The following SENP7 variants were observed in gnomAD, a reference collection of about 807,000 sequenced individuals.
The protein encoded by SENP7 is sentrin-specific protease 7.
SENP7 carries 64 observed loss-of-function variants against 141.2 expected under a neutral mutation model. The ratio of observed to expected loss-of-function variants is 0.45; its 90% confidence interval spans 0.37 to 0.56. SENP7 has a LOEUF of 0.56. Ranked by LOEUF, SENP7 falls within the 20% of genes least tolerant of loss-of-function variation. The pLI, the probability that SENP7 is intolerant of heterozygous loss-of-function variation, is 0.00. For synonymous variants in SENP7, 382 were observed against 426.4 expected (o/e 0.90, Z 1.28); for missense variants, 1,025 against 1,212.2 (o/e 0.85, Z 2.29).
intron 2 of SENP7, among the ~76,000 whole-genome samples, chr3:101,497,312 C>G (rs2065195151): frequency 6.6e-6 from 1 of 152,106 alleles, no homozygotes; most frequent in South Asian, 2.1e-4. Flanking sequence ...TTTTTCTAGT[C>G]TTGTCTGTTG....
intron 4 of SENP7, among the ~76,000 whole-genome samples, chr3:101,455,755 C>G (rs1016177619): frequency 1.3e-5 from 2 of 152,060 alleles, no homozygotes; most frequent in Non-Finnish European, 2.9e-5. Flanking sequence ...TGTTTTGAAC[C>G]AAGTCACTTC....
chr3:101,337,324 T>TC, intron 17 of SENP7, 185 bp downstream of exon 17: 3 of 372,560 alleles, frequency 8.1e-6, no homozygotes, highest in Non-Finnish European at 1.5e-5. Context: ...AGTGTCAGCC[T>TC]CCCTGTCATG....
chr3:101,508,207 A>T (rs2108206502), intron 1 of SENP7, among the ~76,000 whole-genome samples: 1 of 152,224 alleles, frequency 6.6e-6, no homozygotes, highest in African/African-American at 2.4e-5. Context: ...AAGCACTAAA[A>T]CATCCATTAA....
At chr3:101,463,380 T>TATATATATATATATATAC (rs1454188272) in intron 3 of SENP7, among the ~76,000 whole-genome samples, 2 of 72,136 alleles carry the variant, frequency 2.8e-5, no homozygotes, top group Non-Finnish European at 5.2e-5. Flanking sequence ...TATATATATA[T>TATATATATATATATATAC]ATATATATAT....
chr3:101,473,753 T>A (rs2107987246), intron 3 of SENP7, among the ~76,000 whole-genome samples: 1 of 152,356 alleles, frequency 6.6e-6, no homozygotes, highest in East Asian at 1.9e-4. Flanking sequence ...ATCCCATTTG[T>A]CAATTTTTGC....
Position 101,343,704 on chromosome 3 carries a change from C to T in SENP7, c.2088G>A (p.Lys696=). The T allele has an allele frequency of 1.2e-6, 2 of 1,611,744 alleles. No homozygotes were observed. Among genetic ancestry groups the T allele is most frequent in the Non-Finnish European group, 8.5e-7 (1 of 1,179,156 alleles). ...PAGVAVAEEM[K]LKSVSQPSNT... ...TGCTAACCTGAGATACTGATTTCAGCTTCATTTCTTCAGCAACAGCAACAC... is the reference window on the plus strand; with the variant it reads ...TGCTAACCTGAGATACTGATTTCAGTTTCATTTCTTCAGCAACAGCAACAC... Residue 696 remains lysine (K), a synonymous_variant, in exon 14 of 24, where the codon AAG becomes AAA. Coordinates refer to ENST00000394095, the MANE Select transcript of SENP7 (RefSeq NM_020654.5).
intron 3 of SENP7, among the ~76,000 whole-genome samples, chr3:101,484,626 A>T (rs553057030): frequency 6.6e-6 from 1 of 152,288 alleles, no homozygotes; most frequent in Admixed American, 6.5e-5. Flanking sequence ...GAGAAGCTGA[A>T]GGTCTGTTTG....
At chr3:101,370,680 G>A (rs1208232206) in intron 7 of SENP7, among the ~76,000 whole-genome samples, 3 of 152,050 alleles carry the variant, frequency 2.0e-5, no homozygotes, top group African/African-American at 7.2e-5. Context: ...ACACAGAGAT[G>A]ATTGTAATTA....
chr3:101,340,969 T>C (rs573657403), intron 15 of SENP7, among the ~76,000 whole-genome samples: 46 of 152,322 alleles, frequency 3.0e-4, no homozygotes, highest in African/African-American at 9.1e-4. Flanking sequence ...ATGTACTTCT[T>C]GCGCCAGAAA....
intron 3 of SENP7, among the ~76,000 whole-genome samples, chr3:101,481,215 G>T (rs141567362): frequency 6.6e-6 from 1 of 152,192 alleles, no homozygotes; most frequent in African/African-American, 2.4e-5. Context: ...ACTCACAACA[G>T]CAATGATATA....
At chr3:101,383,825 C>T (rs866193529) in intron 6 of SENP7, among the ~76,000 whole-genome samples, 184 of 152,312 alleles carry the variant, frequency 1.2e-3, no homozygotes, top group African/African-American at 4.3e-3. Context: ...CAGTGGGAGG[C>T]AGACCAGTTC....
rs2065933576 is a variant in SENP7 at position 101,513,092 on chromosome 3, G to A, written c.39C>T (p.Ser13=). The A allele has an allele frequency of 1.2e-6, 2 of 1,613,496 alleles. No homozygotes were observed. Among genetic ancestry groups the A allele is most frequent in the South Asian group, 1.1e-5 (1 of 91,054 alleles). Residue 13 remains serine, a splice_region_variant and synonymous_variant, in exon 1 of 24, where the codon TCC becomes TCT. Transcript: ENST00000394095. ...AGCCCTTCTCTGACCCTTTCTCACCGGATGAAGATGGCCGTCGCCCGAGCT... is the reference window on the plus strand; with the variant it reads ...AGCCCTTCTCTGACCCTTTCTCACCAGATGAAGATGGCCGTCGCCCGAGCT... The part of the protein sequence containing the change: ...KRKLGRRPSS[S]EIITEGKRKK...
chr3:101,456,694 A>G (rs897781688), intron 4 of SENP7, among the ~76,000 whole-genome samples: 8 of 152,334 alleles, frequency 5.3e-5, no homozygotes, highest in Non-Finnish European at 1.0e-4. Context: ...ATGTAACAAA[A>G]TTATTGATTG....
At chr3:101,393,359 G>A (rs942995689) in intron 6 of SENP7, among the ~76,000 whole-genome samples, 2 of 152,108 alleles carry the variant, frequency 1.3e-5, no homozygotes, top group Non-Finnish European at 2.9e-5. Flanking sequence ...AAAATTAAAA[G>A]CTTTTGTACA....
chr3:101,350,678 G>A (rs2059590508), intron 12 of SENP7, among the ~76,000 whole-genome samples: 1 of 151,998 alleles, frequency 6.6e-6, no homozygotes, highest in Non-Finnish European at 1.5e-5. Flanking sequence ...AATTTGAGAG[G>A]CAGCTCTGTT....
chr3:101,419,472 T>C (rs1308570659), intron 4 of SENP7, among the ~76,000 whole-genome samples: 2 of 152,158 alleles, frequency 1.3e-5, no homozygotes, highest in East Asian at 3.9e-4. Flanking sequence ...ACGGAGATGA[T>C]GACTTTATCA....
At chr3:101,408,761 C>T (rs979528912) in intron 5 of SENP7, among the ~76,000 whole-genome samples, 2 of 152,082 alleles carry the variant, frequency 1.3e-5, no homozygotes, top group Non-Finnish European at 2.9e-5. Flanking sequence ...TCAGCAAAAT[C>T]GGCATACAAG....
chr3:101,438,825 C>A (rs545106340), intron 4 of SENP7, among the ~76,000 whole-genome samples: 99 of 152,100 alleles, frequency 6.5e-4, no homozygotes, highest in Non-Finnish European at 1.3e-3. Flanking sequence ...TTTGCCGCCG[C>A]GCCGGCGAGC....
chr3:101,431,872 G>T (rs1205313418), intron 4 of SENP7, among the ~76,000 whole-genome samples: 1 of 151,914 alleles, frequency 6.6e-6, no homozygotes, highest in African/African-American at 2.4e-5. Context: ...AAATACTAAA[G>T]AAGCAGTTTT....
Sources: allele counts gnomAD v4.1 joint callset (sites outside exome capture counted in the v4.1 genomes callset), GRCh38; gene constraint gnomAD v4.1.1; transcripts MANE v1.5; gene names NCBI Gene and HGNC (gene_info 2026-07-23, HGNC 2026-07-21).